Variants in PTPRM observed in about 807,000 individuals in gnomAD.
PTPRM encodes receptor-type tyrosine-protein phosphatase mu.
Under a neutral mutation model 186.7 loss-of-function variants are expected in PTPRM, and 47 were observed. The observed-to-expected ratio is 0.25, with a 90% confidence interval of 0.20 to 0.32. The LOEUF (loss-of-function observed/expected upper bound fraction) is 0.32. Ranked by LOEUF, PTPRM falls within the 10% of genes least tolerant of loss-of-function variation. PTPRM has a pLI of 1.00. For missense variants in PTPRM, 1,494 were observed against 1,865.0 expected, an observed-to-expected ratio of 0.80 and a Z score of 3.66; for synonymous variants, 668 against 674.9, an observed-to-expected ratio of 0.99 and a Z score of 0.16.
chr18:7,802,362 A>G (rs1346442354), intron 2 of PTPRM, among the ~76,000 whole-genome samples: 1 of 152,002 alleles, frequency 6.6e-6, no homozygotes, highest in African/African-American at 2.4e-5. Context: ...AGAGCTTTCA[A>G]AGTTAAGGGC....
chr18:7,689,321 G>A lies in PTPRM; in HGVS notation c.74-84828G>A, dbSNP rs138902051. On this transcript the variant is annotated intron_variant, in intron 1 of 32. Coordinates refer to ENST00000580170, the MANE Select transcript of PTPRM (RefSeq NM_001105244.2). Reference sequence around the variant, plus strand: ...TAGGCAGTGTCATCTCAGACTGTTCGGGATTGGGCTCAAAGGGCTGGAAAG... The same window carrying A: ...TAGGCAGTGTCATCTCAGACTGTTCAGGATTGGGCTCAAAGGGCTGGAAAG... Among the ~76,000 whole-genome samples the A allele has an allele frequency of 2.1e-3, 316 of 152,278 alleles. 1 individual carries two copies. The highest frequency in any genetic ancestry group is 7.0e-3 in the African/African-American group (293 of 41,562).
chr18:7,739,687 G>A (rs2040848189), intron 1 of PTPRM, among the ~76,000 whole-genome samples: 1 of 152,060 alleles, frequency 6.6e-6, no homozygotes, highest in Non-Finnish European at 1.5e-5. Flanking sequence ...GCCATGTTCT[G>A]CTCATTACCG....
chr18:8,066,476 T>C (rs1372488215), intron 7 of PTPRM, among the ~76,000 whole-genome samples: 1 of 152,168 alleles, frequency 6.6e-6, no homozygotes, highest in Non-Finnish European at 1.5e-5. Context: ...TGTAAGCTTT[T>C]GACAAATGAG....
chr18:7,802,337 C>T (rs1200333638), intron 2 of PTPRM, among the ~76,000 whole-genome samples: 1 of 152,036 alleles, frequency 6.6e-6, no homozygotes, highest in Non-Finnish European at 1.5e-5. Context: ...TTTATTTCAC[C>T]CAGTAAATGA....
chr18:7,862,128 A>G (rs1437586792), intron 2 of PTPRM, among the ~76,000 whole-genome samples: 2 of 152,236 alleles, frequency 1.3e-5, no homozygotes, highest in African/African-American at 4.8e-5. Context: ...GCATAAATGC[A>G]TAACATAAAA....
intron 32 of PTPRM, among the ~76,000 whole-genome samples, chr18:8,400,523 C>T (rs1043790296): frequency 1.5e-4 from 23 of 152,232 alleles, no homozygotes; most frequent in African/African-American, 4.8e-4. Context: ...ACGTGCCACA[C>T]GGCTGAGAAA....
chr18:7,671,960 C>T (rs960802629), intron 1 of PTPRM, among the ~76,000 whole-genome samples: 12 of 152,144 alleles, frequency 7.9e-5, no homozygotes, highest in African/African-American at 2.2e-4. Context: ...AACTTTTAAA[C>T]GTCGTTTCGT....
intron 17 of PTPRM, among the ~76,000 whole-genome samples, chr18:8,248,935 T>A (rs896217872): frequency 6.6e-6 from 1 of 152,140 alleles, no homozygotes; most frequent in Non-Finnish European, 1.5e-5. Context: ...GTTTGTCCAA[T>A]ATAAGAAGGG....
rs181465240 is a variant in PTPRM at position 7,800,661 on chromosome 18, A to G, written c.196+26390A>G. ...CAATTTAAAGGTTACAGTTGGTCATATAGTCATGTGTCTTTTAATAGCAGG... is the reference window on the plus strand; with the variant it reads ...CAATTTAAAGGTTACAGTTGGTCATGTAGTCATGTGTCTTTTAATAGCAGG... On this transcript the variant is annotated intron_variant, in intron 2 of 32. Coordinates refer to ENST00000580170, the MANE Select transcript of PTPRM (RefSeq NM_001105244.2). 2.0e-4 allele frequency among the ~76,000 whole-genome samples: 30 copies of G among 152,344 alleles called. 1 individual carries two copies. The East Asian group carries it at 5.6e-3, about 28-fold the overall frequency.
At chr18:7,798,318 C>T (rs2043773028) in intron 2 of PTPRM, among the ~76,000 whole-genome samples, 2 of 152,076 alleles carry the variant, frequency 1.3e-5, no homozygotes, top group Non-Finnish European at 1.5e-5. Context: ...ATCACAGGGT[C>T]AGGAGTTCGA....
chr18:8,266,560 T>C (rs1375129101), intron 19 of PTPRM, among the ~76,000 whole-genome samples: 1 of 152,208 alleles, frequency 6.6e-6, no homozygotes, highest in East Asian at 1.9e-4. Context: ...TATGCTGACT[T>C]TTCCAATTTC....
At chr18:8,082,003 C>T (rs2090153730) in intron 9 of PTPRM, among the ~76,000 whole-genome samples, 1 of 152,098 alleles carries the variant, frequency 6.6e-6, no homozygotes, top group African/African-American at 2.4e-5. Flanking sequence ...CCCATCAGCC[C>T]TGCTGGAACA....
At chr18:7,866,979 A>G (rs566156339) in intron 2 of PTPRM, among the ~76,000 whole-genome samples, 1 of 152,230 alleles carries the variant, frequency 6.6e-6, no homozygotes, top group East Asian at 1.9e-4. Context: ...GTTGGTTTGA[A>G]GTCTGCTTTA....
intron 14 of PTPRM, among the ~76,000 whole-genome samples, chr18:8,237,630 G>T (rs915076467): frequency 1.3e-5 from 2 of 151,802 alleles, no homozygotes; most frequent in Non-Finnish European, 2.9e-5. Context: ...ATTTTTAGTA[G>T]AGATGGGGTT....
chr18:7,978,014 G>A (rs2055072155), intron 7 of PTPRM, among the ~76,000 whole-genome samples: 1 of 152,222 alleles, frequency 6.6e-6, no homozygotes, highest in South Asian at 2.1e-4. Context: ...AACGACTTGT[G>A]CAGTTTTGCA....
chr18:7,774,386 G>A lies in PTPRM; in HGVS notation c.196+115G>A, dbSNP rs372579424. The A allele has an allele frequency of 1.3e-4, 175 of 1,307,038 alleles. No homozygotes were observed. The African/African-American group carries it at 2.3e-3, about 17-fold the overall frequency. The allele number at this position is 1,307,038 out of a possible 1,614,324, so 81.0% of individuals were successfully genotyped here. On this transcript the variant is annotated intron_variant, in intron 2 of 32. Transcript: ENST00000580170. ...ACGGTGTTGGTCTTTGGATGTGGCA[G>A]TCAAAGTTGGATTAGCTAGTGAGAG...
intron 7 of PTPRM, among the ~76,000 whole-genome samples, chr18:7,964,026 T>C (rs551624100): frequency 6.6e-6 from 1 of 152,312 alleles, no homozygotes; most frequent in South Asian, 2.1e-4. Flanking sequence ...CCCAAATCTC[T>C]TATATATTTA....
chr18:8,308,215 G>C (rs1299635832), intron 20 of PTPRM, among the ~76,000 whole-genome samples: 1 of 152,208 alleles, frequency 6.6e-6, no homozygotes, highest in Non-Finnish European at 1.5e-5. Context: ...ACACCTACAA[G>C]TGTGAGTGGC....
chr18:7,720,942 A>G (rs1034590799), intron 1 of PTPRM, among the ~76,000 whole-genome samples: 1 of 152,104 alleles, frequency 6.6e-6, no homozygotes, highest in African/African-American at 2.4e-5. Context: ...GAACATGGGT[A>G]TACAGATTTC....
Sources: allele counts gnomAD v4.1 joint callset (sites outside exome capture counted in the v4.1 genomes callset), GRCh38; gene constraint gnomAD v4.1.1; transcripts MANE v1.5; gene names NCBI Gene and HGNC (gene_info 2026-07-23, HGNC 2026-07-21).